ASCC3: variants seen among roughly 807,000 people sequenced by gnomAD.
ASCC3 encodes ASC-1 complex subunit P200.
In ASCC3, 158 loss-of-function variants were observed where a neutral mutation model predicts 256.3. That is an observed-to-expected ratio of 0.62 (90% CI 0.54 to 0.70). The LOEUF is 0.70. ASCC3 is among the 30% of genes least tolerant of loss of function. The probability of loss-of-function intolerance (pLI) is 0.00; values close to 1 mark genes in which losing one functional copy is unlikely to be tolerated. For synonymous variants in ASCC3, 948 were observed against 883.4 expected (o/e 1.07, Z -1.30); for missense variants, 2,259 against 2,626.0 (o/e 0.86, Z 3.05).
At chr6:100,653,018 A>G (rs1775745581) in intron 17 of ASCC3, 129 bp from the exon 18 acceptor site, 1 of 860,332 alleles carries the variant, frequency 1.2e-6, no homozygotes, top group Non-Finnish European at 1.8e-6. Flanking sequence ...CAATTTTTAA[A>G]GTACATTTTT....
chr6:100,821,239 C>T (rs1343377531), intron 4 of ASCC3, among the ~76,000 whole-genome samples: 2 of 152,106 alleles, frequency 1.3e-5, no homozygotes, highest in African/African-American at 4.8e-5. Flanking sequence ...GAGTCTCAAA[C>T]TCCTGGCCTC....
chr6:100,778,833 A>G (rs536733008), intron 8 of ASCC3, among the ~76,000 whole-genome samples: 37 of 152,266 alleles, frequency 2.4e-4, no homozygotes, highest in Non-Finnish European at 5.1e-4. Flanking sequence ...TATCCAATAT[A>G]ATATCATAGA....
chr6:100,625,714 A>G lies in ASCC3; in HGVS notation c.4643-380T>C, dbSNP rs570882511. 2.6e-5 allele frequency among the ~76,000 whole-genome samples: 4 copies of G among 152,242 alleles called. No homozygotes were observed. The South Asian group carries it at 8.3e-4, about 32-fold the overall frequency. Reference sequence around the variant, plus strand: ...TTTCTCAGCTATTTGTGTTTGCCTAAGCAGTGATATTACAGAGTTAACTGG... The same window carrying G: ...TTTCTCAGCTATTTGTGTTTGCCTAGGCAGTGATATTACAGAGTTAACTGG... On this transcript the variant is annotated intron_variant, in intron 29 of 41. Transcript: ENST00000369162.
intron 2 of ASCC3, among the ~76,000 whole-genome samples, chr6:100,864,417 T>C (rs1294743844): frequency 1.3e-5 from 2 of 152,218 alleles, no homozygotes; most frequent in Non-Finnish European, 2.9e-5. Flanking sequence ...GTTGAAAAGA[T>C]ATGTTTAATA....
At chr6:100,530,222 C>T in intron 37 of ASCC3, 1 of 764,898 alleles carries the variant, frequency 1.3e-6, no homozygotes, top group Non-Finnish European at 2.3e-6. Flanking sequence ...AAGAATATTG[C>T]TGCTCATTCG....
At position 100,580,652 on chromosome 6, in the gene ASCC3, T is replaced by C. The variant is rs1582487082; in HGVS notation, c.5550+8982A>G. ...AATGTGCAGGTTAGTTACATATGTA[T>C]ACATGTGCCATGCTGGTGCGCTGCA... is the stretch of plus-strand genomic sequence containing the variant. On this transcript the variant is annotated intron_variant, in intron 36 of 41. Coordinates refer to ENST00000369162, the MANE Select transcript of ASCC3 (RefSeq NM_006828.4). 3.3e-5 allele frequency among the ~76,000 whole-genome samples: 5 copies of C among 152,048 alleles called. No homozygotes were observed. The South Asian group carries it at 1.0e-3, about 32-fold the overall frequency.
chr6:100,770,485 T>C (rs1303455509), intron 8 of ASCC3, among the ~76,000 whole-genome samples: 1 of 132,448 alleles, frequency 7.6e-6, no homozygotes, highest in Non-Finnish European at 1.6e-5. Flanking sequence ...TGGAGTGCAA[T>C]TGGAAAAGGG....
chr6:100,630,360 G>A (rs1380330276), intron 26 of ASCC3, among the ~76,000 whole-genome samples: 2 of 151,750 alleles, frequency 1.3e-5, no homozygotes, highest in African/African-American at 2.4e-5. Flanking sequence ...AAGAATACAG[G>A]GAATGGTCTC....
At chr6:100,872,463 A>C (rs1406604519) in intron 1 of ASCC3, among the ~76,000 whole-genome samples, 1 of 53,284 alleles carries the variant, frequency 1.9e-5, no homozygotes, top group African/African-American at 7.5e-5. Context: ...AGAAAAAAAA[A>C]AGGGTCGGGG....
chr6:100,584,241 T>A lies in ASCC3; in HGVS notation c.5550+5393A>T, dbSNP rs556547597. On this transcript the variant is annotated intron_variant, in intron 36 of 41. Transcript: ENST00000369162. ...GAGTCTAAGTCTCTTTGTAGGTCAC[T>A]CAGGACTTGCCTTATGAATCTGGGT... Among the ~76,000 whole-genome samples, 363 of 151,566 alleles carry A rather than the reference T, an allele frequency of 2.4e-3. 8 individuals carry two copies. The highest frequency in any genetic ancestry group is 0.017 in the East Asian group (88 of 5,186).
At chr6:100,607,164 A>C (rs1259343156) in intron 30 of ASCC3, 76 bp from the exon 31 acceptor site, 2 of 1,478,894 alleles carry the variant, frequency 1.4e-6, no homozygotes, top group African/African-American at 1.4e-5. Context: ...GTTTCAAAAA[A>C]CATTAATTTT....
chr6:100,762,642 TTC>T (rs1466302973), intron 10 of ASCC3, among the ~76,000 whole-genome samples: 2 of 152,226 alleles, frequency 1.3e-5, no homozygotes, highest in African/African-American at 4.8e-5. Flanking sequence ...AATTATATAA[TTC>T]TGTCTTGTAA....
chr6:100,668,256 C>T (rs1019358908), intron 14 of ASCC3, among the ~76,000 whole-genome samples: 2 of 151,750 alleles, frequency 1.3e-5, no homozygotes, highest in Non-Finnish European at 2.9e-5. Flanking sequence ...GCACAAGACC[C>T]AATATCAGCA....
chr6:100,687,034 T>TCACACACACACACACACA (rs71028030), intron 13 of ASCC3, among the ~76,000 whole-genome samples: 20 of 130,544 alleles, frequency 1.5e-4, no homozygotes, highest in Admixed American at 4.8e-4. Flanking sequence ...TCTCTCTCTC[T>TCACACACACACACACACA]CACACACACA....
chr6:100,604,618 T>TA (rs1446382952), intron 33 of ASCC3, among the ~76,000 whole-genome samples: 1 of 151,652 alleles, frequency 6.6e-6, no homozygotes, highest in African/African-American at 2.4e-5. Flanking sequence ...TTTTTTTTTT[T>TA]ACTTTTTTGT....
chr6:100,820,665 G>T (rs1228016345), intron 4 of ASCC3, among the ~76,000 whole-genome samples: 2 of 151,738 alleles, frequency 1.3e-5, no homozygotes, highest in Non-Finnish European at 2.9e-5. Context: ...CAAACTATTT[G>T]TGCTTTAAAG....
chr6:100,564,918 T>C (rs1770153605), intron 36 of ASCC3, among the ~76,000 whole-genome samples: 1 of 152,122 alleles, frequency 6.6e-6, no homozygotes, highest in Admixed American at 6.6e-5. Flanking sequence ...TAGTCCCTCA[T>C]TAAAAACTAA....
At chr6:100,719,102 T>C (rs940543066) in intron 11 of ASCC3, among the ~76,000 whole-genome samples, 2 of 152,136 alleles carry the variant, frequency 1.3e-5, no homozygotes, top group African/African-American at 4.8e-5. Context: ...GCACTAGGGA[T>C]GCAGTGCTGA....
intron 4 of ASCC3, among the ~76,000 whole-genome samples, chr6:100,811,392 A>G (rs1209972330): frequency 1.3e-5 from 2 of 152,132 alleles, no homozygotes; most frequent in Non-Finnish European, 2.9e-5. Flanking sequence ...ACAATCCCTC[A>G]GTGAAATTCA....
Sources: gnomAD v4.1 joint callset for allele counts (sites outside exome capture counted in the v4.1 genomes callset) on GRCh38, gnomAD v4.1.1 for gene constraint, MANE v1.5 for transcripts, NCBI Gene and HGNC (gene_info 2026-07-23, HGNC 2026-07-21) for gene names.